DENND1A: variants seen among roughly 807,000 people sequenced by gnomAD.
DENND1A encodes DENN domain-containing protein 1A.
A neutral mutation model predicts 113.7 loss-of-function variants in DENND1A; 51 were observed. The ratio of observed to expected loss-of-function variants is 0.45; its 90% CI spans 0.36 to 0.57. The LOEUF (loss-of-function observed/expected upper bound fraction) is 0.57, where lower values mean the gene tolerates loss of function less well. DENND1A is among the 20% of genes least tolerant of loss of function. The pLI is 0.00. For synonymous variants in DENND1A, 565 were observed against 570.8 expected (o/e 0.99, Z 0.14); for missense variants, 1,258 against 1,395.9 (o/e 0.90, Z 1.57).
At chr9:123,698,873 G>T (rs896461268) in intron 5 of DENND1A, among the ~76,000 whole-genome samples, 1 of 152,238 alleles carries the variant, frequency 6.6e-6, no homozygotes, top group African/African-American at 2.4e-5. Flanking sequence ...ACTAGCAGAA[G>T]AGAAGAAGTT....
At chr9:123,503,091 G>A (rs1445594491) in intron 13 of DENND1A, among the ~76,000 whole-genome samples, 1 of 152,146 alleles carries the variant, frequency 6.6e-6, no homozygotes, top group Non-Finnish European at 1.5e-5. Context: ...TATGTCAGGT[G>A]CTTCACATAA....
chr9:123,422,918 G>A lies in DENND1A; in HGVS notation c.1489-11089C>T, dbSNP rs896866226. The stretch of plus-strand genomic sequence containing the variant: ...CAGGAACCCAAGGTGCCAGCAGTTC[G>A]ACTGCCTTATTAAACACCGCCAGGA... On this transcript the variant is annotated intron_variant, in intron 19 of 23. Coordinates refer to ENST00000394215, the MANE Select transcript of DENND1A (RefSeq NM_001352964.2). The surrounding 1 kb of genome is among the most constrained non-coding windows in gnomAD (Gnocchi z 4.8). Among the ~76,000 whole-genome samples the A allele has an allele frequency of 1.3e-5, 2 of 152,204 alleles. No homozygotes were observed. The highest frequency in any genetic ancestry group is 6.5e-5 in the Admixed American group (1 of 15,282).
chr9:123,534,322 C>T (rs570193432), intron 13 of DENND1A, among the ~76,000 whole-genome samples: 1 of 152,238 alleles, frequency 6.6e-6, no homozygotes, highest in South Asian at 2.1e-4. Context: ...TACTGTTGGG[C>T]CTTAAAAATC....
At chr9:123,849,224 C>A (rs1282242881) in intron 2 of DENND1A, among the ~76,000 whole-genome samples, 1 of 152,200 alleles carries the variant, frequency 6.6e-6, no homozygotes, top group Non-Finnish European at 1.5e-5. Flanking sequence ...CAGGATGAAT[C>A]TTTTGTTAGG....
At chr9:123,563,278 G>A (rs541133082) in intron 12 of DENND1A, among the ~76,000 whole-genome samples, 27 of 152,100 alleles carry the variant, frequency 1.8e-4, no homozygotes, top group African/African-American at 6.3e-4. Flanking sequence ...GCCTTCACCC[G>A]ACCGTGTACC....
chr9:123,382,669 G>A (rs2042342635), intron 23 of DENND1A, 44 bp from the exon 24 acceptor site: 3 of 1,596,976 alleles, frequency 1.9e-6, no homozygotes, highest in East Asian at 4.5e-5. Context: ...GGGCTGAGTT[G>A]GGACATATGT....
chr9:123,701,821 C>T (rs1183988055), intron 5 of DENND1A, among the ~76,000 whole-genome samples: 2 of 152,206 alleles, frequency 1.3e-5, no homozygotes, highest in Non-Finnish European at 2.9e-5. Context: ...AACAGGCTTA[C>T]TTTTGAAGGA....
chr9:123,440,804 G>A (rs979076281), intron 18 of DENND1A, among the ~76,000 whole-genome samples: 13 of 152,162 alleles, frequency 8.5e-5, no homozygotes, highest in Non-Finnish European at 1.6e-4. Flanking sequence ...TCCACATGCA[G>A]ACGTTTAAAA....
At chr9:123,423,893 C>G (rs1466399493) in intron 19 of DENND1A, among the ~76,000 whole-genome samples, 1 of 152,174 alleles carries the variant, frequency 6.6e-6, no homozygotes, top group Non-Finnish European at 1.5e-5. Flanking sequence ...AGGTACAGGC[C>G]TGCATTTTAA....
At chr9:123,671,394 G>A (rs1041929479) in intron 6 of DENND1A, 23 bp from the exon 7 acceptor site, 2 of 1,612,814 alleles carry the variant, frequency 1.2e-6, no homozygotes, top group Non-Finnish European at 1.7e-6. Flanking sequence ...AAAGGCCTAA[G>A]TAACAAAAGC....
chr9:123,449,260 G>A (rs1016622035), intron 18 of DENND1A, among the ~76,000 whole-genome samples: 1 of 152,232 alleles, frequency 6.6e-6, no homozygotes, highest in African/African-American at 2.4e-5. Flanking sequence ...CAACAGGCCA[G>A]ACGCGGTGGC....
At chr9:123,601,455 C>T (rs970382413) in intron 11 of DENND1A, among the ~76,000 whole-genome samples, 1 of 152,214 alleles carries the variant, frequency 6.6e-6, no homozygotes, top group Non-Finnish European at 1.5e-5. Flanking sequence ...GGGCCTTCCT[C>T]GAGGCCTAAG....
intron 5 of DENND1A, among the ~76,000 whole-genome samples, chr9:123,692,135 C>T (rs2065230265): frequency 6.6e-6 from 1 of 152,154 alleles, no homozygotes; most frequent in Non-Finnish European, 1.5e-5. Context: ...GGCAACACTT[C>T]CTGTTTACCT....
intron 13 of DENND1A, among the ~76,000 whole-genome samples, chr9:123,504,341 A>G (rs1469823077): frequency 6.6e-6 from 1 of 152,016 alleles, no homozygotes; most frequent in Non-Finnish European, 1.5e-5. Context: ...TTTCACCCCC[A>G]CTGGGAGGTA....
At chr9:123,662,326 C>T (rs2063281831) in intron 8 of DENND1A, among the ~76,000 whole-genome samples, 1 of 152,148 alleles carries the variant, frequency 6.6e-6, no homozygotes, top group Admixed American at 6.5e-5. Context: ...CTTTGGGAGG[C>T]CAAGGCAGGT....
At chr9:123,923,080 C>A (rs1856545344) in intron 1 of DENND1A, among the ~76,000 whole-genome samples, 1 of 152,154 alleles carries the variant, frequency 6.6e-6, no homozygotes, top group South Asian at 2.1e-4. Context: ...CTCCCTAGGG[C>A]CAGGAAAAAG....
intron 1 of DENND1A, among the ~76,000 whole-genome samples, chr9:123,900,776 T>A (rs1204558143): frequency 3.3e-5 from 5 of 152,210 alleles, no homozygotes; most frequent in Non-Finnish European, 7.3e-5. Flanking sequence ...GAGGATTAAA[T>A]AACATAATGA....
At chr9:123,512,310 C>T (rs1300758975) in intron 13 of DENND1A, among the ~76,000 whole-genome samples, 3 of 152,192 alleles carry the variant, frequency 2.0e-5, no homozygotes, top group East Asian at 1.9e-4. Flanking sequence ...GAGGGCCAGG[C>T]CCCATGAGGA....
At chr9:123,749,886 A>G (rs2069853028) in intron 5 of DENND1A, among the ~76,000 whole-genome samples, 1 of 152,210 alleles carries the variant, frequency 6.6e-6, no homozygotes, top group African/African-American at 2.4e-5. Flanking sequence ...AAAGTATCAC[A>G]TCTCTTGTAA....
Sources: allele counts gnomAD v4.1 joint callset (sites outside exome capture counted in the v4.1 genomes callset), GRCh38; gene constraint gnomAD v4.1.1; non-coding constraint Gnocchi (gnomAD v3.1); transcripts MANE v1.5; gene names NCBI Gene and HGNC (gene_info 2026-07-23, HGNC 2026-07-21).